The following TENM1 variants were observed in gnomAD, a reference collection of about 807,000 sequenced individuals.
The protein encoded by TENM1 is teneurin-1.
Under a neutral mutation model 174.8 loss-of-function variants are expected in TENM1, and 35 were observed. The observed-to-expected ratio is 0.20, with a 90% confidence interval of 0.15 to 0.27. TENM1 has a LOEUF of 0.27. Among genes scored for constraint, TENM1 ranks in the 10% least tolerant of loss-of-function variants. The pLI is 1.00. For synonymous variants in TENM1, 781 were observed against 798.7 expected (o/e 0.98, Z 0.37); for missense variants, 1,633 against 2,130.1 (o/e 0.77, Z 4.59).
At chrX:124,392,286 A>G (rs749828638) in exon 28 of TENM1, 1 of 1,210,878 alleles carries the variant, frequency 8.3e-7, no homozygotes, top group South Asian at 1.8e-5. Context: ...GATGGTCATC[A>G]TAGATCTTTC....
At chrX:125,048,635 T>C in the TENM1 span, among the ~76,000 whole-genome samples, 1 of 111,023 alleles carries the variant, frequency 9.0e-6, no homozygotes, top group Non-Finnish European at 1.9e-5. Context: ...TGGGTGAAGG[T>C]TGTTAGTAAG....
intron 1 of TENM1, among the ~76,000 whole-genome samples, chrX:124,930,798 G>A (rs1277955037): frequency 8.9e-6 from 1 of 111,974 alleles, no homozygotes; most frequent in Non-Finnish European, 1.9e-5. Context: ...AGGAATAGGT[G>A]AGACAGAGCA....
At position 124,798,100 on chromosome X, in the gene TENM1, A is replaced by AT. The variant is rs779696061; in HGVS notation, c.536-60904dup. Among the ~76,000 whole-genome samples, 3 of 111,961 alleles carry AT rather than the reference A, an allele frequency of 2.7e-5. No homozygotes were observed. In the Admixed American group the frequency reaches 2.8e-4, roughly 11 times the overall value. On this transcript the variant is annotated intron_variant, in intron 3 of 31. Coordinates refer to ENST00000422452, the Ensembl canonical transcript of TENM1. ...TTTATCCAGTCTATCATCAATGGGC[A>AT]TTTGGCTTGGTTCCAAGTCTTTGCT...
At chrX:125,202,700 T>C in the TENM1 span, among the ~76,000 whole-genome samples, 2 of 96,890 alleles carry the variant, frequency 2.1e-5, no homozygotes, top group Non-Finnish European at 4.1e-5. Flanking sequence ...AAACATCTAC[T>C]AGTGGAGTGA....
chrX:124,582,445 C>T (rs190133814), intron 11 of TENM1, among the ~76,000 whole-genome samples: 6 of 111,961 alleles, frequency 5.4e-5, no homozygotes, highest in African/African-American at 1.6e-4. Context: ...AGAGATCTTT[C>T]ACCTCCTTGG....
At chrX:125,184,064 T>C in the TENM1 span, among the ~76,000 whole-genome samples, 4 of 111,904 alleles carry the variant, frequency 3.6e-5, no homozygotes, top group East Asian at 2.8e-4. Flanking sequence ...GGCTTCCTGA[T>C]TGACAAACAA....
chrX:125,071,398 C>A, the TENM1 span, among the ~76,000 whole-genome samples: 1 of 111,795 alleles, frequency 8.9e-6, no homozygotes, highest in African/African-American at 3.2e-5. Flanking sequence ...CAATCTCCTA[C>A]TTTTCCCGTA....
At chrX:124,922,043 C>T (rs775297471) in intron 1 of TENM1, among the ~76,000 whole-genome samples, 29 of 111,075 alleles carry the variant, frequency 2.6e-4, no homozygotes, top group Non-Finnish European at 4.2e-4. Flanking sequence ...GTCTCCATTC[C>T]GATTCATTTA....
chrX:124,749,457 C>T, intron 3 of TENM1, among the ~76,000 whole-genome samples: 1 of 111,767 alleles, frequency 8.9e-6, no homozygotes, highest in East Asian at 2.8e-4. Context: ...TATGAAGCAC[C>T]TTTCATCTGC....
At chrX:125,183,728 GGAGT>G in the TENM1 span, among the ~76,000 whole-genome samples, 4 of 111,741 alleles carry the variant, frequency 3.6e-5, no homozygotes, top group African/African-American at 9.8e-5. Flanking sequence ...TAGTACGCAT[GGAGT>G]GAGTGAGTGA....
chrX:124,548,946 C>CT (rs1223934394), intron 14 of TENM1, among the ~76,000 whole-genome samples: 1 of 112,077 alleles, frequency 8.9e-6, no homozygotes, highest in African/African-American at 3.2e-5. Context: ...ATGCAGTTTG[C>CT]TTTTTTTCTT....
intron 4 of TENM1, among the ~76,000 whole-genome samples, chrX:124,730,999 T>A (rs925354604): frequency 6.3e-5 from 7 of 111,325 alleles, no homozygotes; most frequent in Admixed American, 1.9e-4. Flanking sequence ...TTGAAACCAG[T>A]GTGTCTGTAC....
chrX:124,422,541 C>T (rs369395433), exon 24 of TENM1: 2 of 1,211,064 alleles, frequency 1.7e-6, no homozygotes, highest in African/African-American at 3.5e-5. Flanking sequence ...CCGAACACGC[C>T]TGTTCTCAGA....
intron 11 of TENM1, among the ~76,000 whole-genome samples, chrX:124,632,845 C>T (rs753504567): frequency 1.8e-5 from 2 of 112,024 alleles, no homozygotes; most frequent in South Asian, 7.4e-4. Context: ...CTCCAATCAC[C>T]TGATTTTGGA....
exon 26 of TENM1, chrX:124,406,331 T>C (rs1353671623): frequency 8.3e-7 from 1 of 1,206,738 alleles, no homozygotes; most frequent in Non-Finnish European, 1.1e-6. Flanking sequence ...TTTTAAAATA[T>C]ATATGGTACT....
chrX:124,470,856 C>T (rs748391586), intron 22 of TENM1, among the ~76,000 whole-genome samples: 36 of 108,759 alleles, frequency 3.3e-4, no homozygotes, highest in African/African-American at 8.3e-4. Context: ...CCTCAGAAAT[C>T]GGGCCATAGG....
At chrX:124,942,238 T>A (rs1178061696) in intron 1 of TENM1, among the ~76,000 whole-genome samples, 1 of 111,934 alleles carries the variant, frequency 8.9e-6, no homozygotes, top group Non-Finnish European at 1.9e-5. Flanking sequence ...AATTTGGATA[T>A]TTAATGCCTA....
intron 3 of TENM1, among the ~76,000 whole-genome samples, chrX:124,795,443 T>A (rs950384744): frequency 8.9e-6 from 1 of 112,309 alleles, no homozygotes; most frequent in Non-Finnish European, 1.9e-5. Flanking sequence ...TATCTAAAAA[T>A]AGTTACCTCA....
intron 27 of TENM1, among the ~76,000 whole-genome samples, chrX:124,393,172 C>A (rs746179484): frequency 1.5e-4 from 17 of 110,363 alleles, no homozygotes; most frequent in Non-Finnish European, 2.7e-4. Flanking sequence ...CCATGAAAGA[C>A]AGTATTCAAC....
Sources: gnomAD v4.1 joint callset for allele counts (sites outside exome capture counted in the v4.1 genomes callset) on GRCh38, gnomAD v4.1.1 for gene constraint, MANE v1.5 for transcripts, NCBI Gene and HGNC (gene_info 2026-07-23, HGNC 2026-07-21) for gene names.